The following TCF4 variants were observed in gnomAD, a reference collection of about 807,000 sequenced individuals.
The protein encoded by TCF4 is transcription factor 4, also known as SL3-3 enhancer factor 2.
TCF4 carries 3 observed loss-of-function variants against 82.1 expected under a neutral mutation model. The ratio of observed to expected loss-of-function variants is 0.04; its 90% CI spans 0.02 to 0.09. The LOEUF (loss-of-function observed/expected upper bound fraction) is 0.09. Among genes scored for constraint, TCF4 ranks in the 10% least tolerant of loss-of-function variants. TCF4 has a pLI of 1.00. For missense variants in TCF4, 518 were observed against 852.7 expected (o/e 0.61, Z 4.89); for synonymous variants, 276 against 309.6 (o/e 0.89, Z 1.14).
At chr18:55,229,360 G>C (rs1178001650) in intron 17 of TCF4, 1 of 472,370 alleles carries the variant, frequency 2.1e-6, no homozygotes, top group Non-Finnish European at 3.9e-6. Context: ...TGATACAGGG[G>C]GGCAGAAAGG....
intron 8 of TCF4, among the ~76,000 whole-genome samples, chr18:55,300,117 CA>C (rs1450674300): frequency 3.9e-4 from 59 of 152,128 alleles, no homozygotes; most frequent in African/African-American, 1.4e-3. Flanking sequence ...CACACACACA[CA>C]CACACACCCC....
chr18:55,306,126 A>G (rs72925079), intron 8 of TCF4, among the ~76,000 whole-genome samples: 1 of 152,138 alleles, frequency 6.6e-6, no homozygotes. Flanking sequence ...TGAAATTGGG[A>G]AGTGAATTAT....
chr18:55,369,925 G>C (rs922212003), intron 6 of TCF4, among the ~76,000 whole-genome samples: 5 of 152,154 alleles, frequency 3.3e-5, no homozygotes, highest in Non-Finnish European at 5.9e-5. Flanking sequence ...GTGTGTGTGT[G>C]TGTGTGTGTG....
At chr18:55,533,828 AC>A (rs2097091526) in intron 3 of TCF4, among the ~76,000 whole-genome samples, 1 of 151,898 alleles carries the variant, frequency 6.6e-6, no homozygotes, top group Non-Finnish European at 1.5e-5. Flanking sequence ...TCTTCCCTGT[AC>A]CTCCACCTCT....
At chr18:55,355,650 G>A (rs1412585622) in intron 6 of TCF4, among the ~76,000 whole-genome samples, 3 of 152,104 alleles carry the variant, frequency 2.0e-5, no homozygotes, top group African/African-American at 7.2e-5. Context: ...GATTCCTGAA[G>A]GTCCAAGAGT....
rs574480154 is a variant in TCF4 at position 55,567,709 on chromosome 18, T to C, written c.145+17571A>G. Among the ~76,000 whole-genome samples the C allele has an allele frequency of 2.7e-5, 4 of 150,596 alleles. No individual in the cohort carries two copies. The East Asian group carries it at 7.8e-4, about 29-fold the overall frequency. On this transcript the variant is annotated intron_variant, in intron 3 of 19. Transcript: ENST00000354452. The stretch of plus-strand genomic sequence containing the variant: ...GCCTGGGAGACAGAGCGAGACTCCA[T>C]CTCAAAAAAAAAAAAGGACACAATC...
At chr18:55,588,256 G>A (rs1007259829), upstream of TCF4, 2 of 1,425,530 alleles carry the variant, frequency 1.4e-6, no homozygotes, top group African/African-American at 2.9e-5. Flanking sequence ...GGGAGGGGAC[G>A]GAGGGAAGGG....
chr18:55,612,066 C>T (rs933850090), intron 2 of TCF4, among the ~76,000 whole-genome samples: 14 of 152,222 alleles, frequency 9.2e-5, no homozygotes, highest in African/African-American at 3.1e-4. Flanking sequence ...CCACTGCACC[C>T]GGCCAATGTA....
At chr18:55,385,328 T>C (rs1474629431) in intron 6 of TCF4, among the ~76,000 whole-genome samples, 3 of 152,222 alleles carry the variant, frequency 2.0e-5, no homozygotes, top group African/African-American at 7.2e-5. Context: ...TTTATTCAAC[T>C]CTTCTTCTTC....
intron 2 of TCF4, among the ~76,000 whole-genome samples, chr18:55,621,469 A>G (rs1170448296): frequency 3.7e-5 from 1 of 26,974 alleles, no homozygotes. Context: ...TATATAATAT[A>G]TATAAAAATA....
intron 3 of TCF4, among the ~76,000 whole-genome samples, chr18:55,505,989 T>C (rs1878026639): frequency 6.6e-6 from 1 of 152,182 alleles, no homozygotes; most frequent in South Asian, 2.1e-4. Context: ...ACACTAGACC[T>C]GGATTCAGCT....
intron 3 of TCF4, among the ~76,000 whole-genome samples, chr18:55,566,326 C>T (rs905465074): frequency 9.2e-5 from 14 of 152,182 alleles, no homozygotes; most frequent in East Asian, 3.9e-4. Flanking sequence ...GGGCAGGAGG[C>T]GGGTGGCTAA....
intron 14 of TCF4, 60 bp downstream of exon 14, chr18:55,257,255 T>C (rs2057074254): frequency 3.9e-6 from 6 of 1,546,346 alleles, no homozygotes; most frequent in Non-Finnish European, 8.9e-7. Flanking sequence ...TAAAGGAGAC[T>C]GAACAAGAAA....
intron 8 of TCF4, among the ~76,000 whole-genome samples, chr18:55,316,928 G>A (rs1464823933): frequency 5.3e-5 from 8 of 151,952 alleles, no homozygotes; most frequent in African/African-American, 1.9e-4. Context: ...ATTAACCAAA[G>A]ATGTAACTGA....
intron 17 of TCF4, chr18:55,229,622 A>C (rs2047307175): frequency 6.1e-6 from 1 of 163,882 alleles, no homozygotes; most frequent in Admixed American, 5.8e-5. Flanking sequence ...GCCTATATGT[A>C]AGACACCAGA....
chr18:55,421,151 G>A (rs1025120289), intron 5 of TCF4, among the ~76,000 whole-genome samples: 14 of 151,946 alleles, frequency 9.2e-5, no homozygotes, highest in African/African-American at 3.4e-4. Flanking sequence ...CAGGAGAGAG[G>A]ACAGAGCCAC....
At chr18:55,351,093 A>T (rs1295285752) in intron 6 of TCF4, 90 bp from the exon 7 acceptor site, 2 of 1,531,202 alleles carry the variant, frequency 1.3e-6, no homozygotes, top group African/African-American at 2.7e-5. Context: ...AAACCAATGC[A>T]ATAAAGCAAA....
At chr18:55,229,298 A>G in intron 17 of TCF4, 2 of 584,656 alleles carry the variant, frequency 3.4e-6, no homozygotes, top group South Asian at 3.8e-5. Flanking sequence ...AACCCAAACC[A>G]AACAGGTGAG....
At chr18:55,292,914 G>A (rs1027748027) in intron 8 of TCF4, among the ~76,000 whole-genome samples, 13 of 152,068 alleles carry the variant, frequency 8.5e-5, no homozygotes, top group Middle Eastern at 3.4e-3. Context: ...ATATGTATGT[G>A]TATGCCTGTG....
Sources: gnomAD v4.1 joint callset for allele counts (sites outside exome capture counted in the v4.1 genomes callset) on GRCh38, gnomAD v4.1.1 for gene constraint, MANE v1.5 for transcripts, NCBI Gene and HGNC (gene_info 2026-07-23, HGNC 2026-07-21) for gene names.